The following POLA1 variants were observed in gnomAD, a reference collection of about 807,000 sequenced individuals.
POLA1 encodes the protein DNA polymerase alpha 1, catalytic subunit.
In POLA1, 15 loss-of-function variants were observed where a neutral mutation model predicts 124.0. The ratio of observed to expected loss-of-function variants is 0.12; its 90% CI spans 0.08 to 0.19. The LOEUF (loss-of-function observed/expected upper bound fraction) is 0.19. POLA1 is among the 10% of genes least tolerant of loss of function. The pLI, the probability that POLA1 is intolerant of heterozygous loss-of-function variation, is 1.00. For synonymous variants in POLA1, 408 were observed against 389.4 expected (o/e 1.05, Z -0.56); for missense variants, 886 against 1,103.4 (o/e 0.80, Z 2.79).
At chrX:24,775,584 GA>G (rs1409647596) in intron 26 of POLA1, among the ~76,000 whole-genome samples, 1 of 111,669 alleles carries the variant, frequency 9.0e-6, no homozygotes, top group East Asian at 2.8e-4. Flanking sequence ...TTCTGAGCCA[GA>G]GTGTTAATCC....
At chrX:24,848,792 C>T in intron 34 of POLA1, among the ~76,000 whole-genome samples, 1 of 112,218 alleles carries the variant, frequency 8.9e-6, no homozygotes, top group Non-Finnish European at 1.9e-5. Context: ...AGAGATGAAG[C>T]AGCCTCCCAC....
intron 36 of POLA1, among the ~76,000 whole-genome samples, chrX:24,990,216 A>G (rs1398779791): frequency 8.9e-6 from 1 of 112,349 alleles, no homozygotes; most frequent in Non-Finnish European, 1.9e-5. Flanking sequence ...TCCAATATCA[A>G]TGGATTCTAA....
intron 36 of POLA1, among the ~76,000 whole-genome samples, chrX:24,986,896 G>A (rs891309120): frequency 7.2e-5 from 8 of 111,251 alleles, no homozygotes; most frequent in Non-Finnish European, 1.5e-4. Flanking sequence ...ATTTCCACCA[G>A]TTATCCAGAG....
intron 6 of POLA1, 60 bp from the exon 7 acceptor site, chrX:24,716,302 A>G (rs1022383149): frequency 1.8e-5 from 11 of 603,806 alleles, no homozygotes; most frequent in Non-Finnish European, 2.9e-5. Flanking sequence ...GAAGAAGTAT[A>G]CTTTTTCTGT....
At chrX:24,743,364 A>C in intron 23 of POLA1, 35 bp downstream of exon 23, 1 of 717,611 alleles carries the variant, frequency 1.4e-6, no homozygotes, top group Non-Finnish European at 2.1e-6. Flanking sequence ...TTCTCCCAGT[A>C]TTAAGGAATT....
At position 24,789,123 on chromosome X, in the gene POLA1, A is replaced by G. The variant is rs1299478927; in HGVS notation, c.2965-20775A>G. 4.6e-6 allele frequency: 5 copies of G among 1,094,047 alleles called. No homozygotes were observed. The African/African-American group carries it at 5.5e-5, about 12-fold the overall frequency. 90.2% of individuals were successfully genotyped at this position (1,094,047 alleles called of 1,213,427 possible). A position where few individuals can be genotyped will look rare whatever the true frequency, so the allele number is the denominator to read the frequency against. On this transcript the variant is annotated intron_variant, in intron 26 of 36. Transcript: ENST00000379068. ...GCAGCAGAAAGAGCCCACTTTTACT[A>G]CTTCTGTTCTACATAGTAGTGGAAG...
At chrX:24,959,900 C>T (rs1213670562) in intron 36 of POLA1, among the ~76,000 whole-genome samples, 1 of 111,389 alleles carries the variant, frequency 9.0e-6, no homozygotes. Flanking sequence ...TCTACTGGGC[C>T]GCACTGTGTC....
At chrX:24,917,657 T>C (rs1382104008) in intron 35 of POLA1, among the ~76,000 whole-genome samples, 1 of 111,423 alleles carries the variant, frequency 9.0e-6, no homozygotes, top group Non-Finnish European at 1.9e-5. Flanking sequence ...AATTACTGCT[T>C]ATCTCTCATT....
chrX:24,818,969 T>C lies in POLA1; in HGVS notation c.3430-2483T>C, dbSNP rs182890745. 9.8e-5 allele frequency among the ~76,000 whole-genome samples: 11 copies of C among 112,294 alleles called. No individual in the cohort carries two copies. The East Asian group carries it at 2.2e-3, about 23-fold the overall frequency. On this transcript the variant is annotated intron_variant, in intron 30 of 36. Coordinates refer to ENST00000379068, the MANE Select transcript of POLA1 (RefSeq NM_001330360.2). ...AGGAGAAGTATTTTAGTATTTTTTT[T>C]CTGATAGTTGAATGTATTCTTCTTT...
chrX:24,988,100 A>G (rs933022182), intron 36 of POLA1, among the ~76,000 whole-genome samples: 1 of 112,640 alleles, frequency 8.9e-6, no homozygotes, highest in African/African-American at 3.2e-5. Context: ...CCCCAAAAGA[A>G]CAACAGCTTA....
intron 26 of POLA1, among the ~76,000 whole-genome samples, chrX:24,805,789 T>C (rs1269413602): frequency 9.0e-6 from 1 of 111,352 alleles, no homozygotes; most frequent in Non-Finnish European, 1.9e-5. Context: ...GCCTTATTAA[T>C]GAATTTAGCA....
In POLA1 at chrX:24,952,286, C is replaced by T. The variant is rs145952440; in HGVS notation, c.4261+21737C>T. On this transcript the variant is annotated intron_variant, in intron 36 of 36. Coordinates refer to ENST00000379068, the MANE Select transcript of POLA1 (RefSeq NM_001330360.2). The stretch of plus-strand genomic sequence containing the variant: ...TTTGCTGCCATCCTTTTGTATTTCT[C>T]AGTTAATAGTATTTTCTCTAGTGCC... 6.2e-3 allele frequency among the ~76,000 whole-genome samples: 699 copies of T among 112,124 alleles called. 1 individual carries two copies. Among genetic ancestry groups the T allele is most frequent in the African/African-American group, 0.021 (647 of 30,850 alleles).
At chrX:24,988,643 C>T (rs754976413) in intron 36 of POLA1, among the ~76,000 whole-genome samples, 2 of 111,992 alleles carry the variant, frequency 1.8e-5, no homozygotes, top group African/African-American at 3.2e-5. Context: ...TCTTTAGAAG[C>T]CTTATAAGTA....
intron 36 of POLA1, among the ~76,000 whole-genome samples, chrX:24,937,945 AAT>A (rs1360446936): frequency 8.9e-6 from 1 of 112,515 alleles, no homozygotes; most frequent in Non-Finnish European, 1.9e-5. Flanking sequence ...GGCCTTTTGA[AAT>A]ATGTTTTTAT....
intron 26 of POLA1, among the ~76,000 whole-genome samples, chrX:24,750,718 ATAAAG>A (rs1188276902): frequency 8.9e-6 from 1 of 112,404 alleles, no homozygotes; most frequent in Non-Finnish European, 1.9e-5. Flanking sequence ...ACTCAAGGAG[ATAAAG>A]TATAACAAGT....
chrX:24,941,171 C>T (rs774973529), intron 36 of POLA1, among the ~76,000 whole-genome samples: 18 of 111,547 alleles, frequency 1.6e-4, no homozygotes, highest in Admixed American at 2.9e-4. Context: ...CTGCCTCTCA[C>T]GTTTCCTCTT....
intron 36 of POLA1, among the ~76,000 whole-genome samples, chrX:24,946,290 C>T (rs1180668351): frequency 3.6e-5 from 4 of 111,505 alleles, no homozygotes; most frequent in African/African-American, 6.5e-5. Context: ...GTCCTCCAAG[C>T]GGTCTGGAAC....
At chrX:24,897,005 T>C (rs2047214370) in intron 35 of POLA1, among the ~76,000 whole-genome samples, 1 of 111,787 alleles carries the variant, frequency 8.9e-6, no homozygotes, top group Admixed American at 9.5e-5. Flanking sequence ...GCACTTCACT[T>C]TGCTGATGGG....
intron 19 of POLA1, 133 bp from the exon 20 acceptor site, chrX:24,739,241 TC>T: frequency 2.1e-6 from 1 of 473,408 alleles, no homozygotes; most frequent in Non-Finnish European, 3.7e-6. Flanking sequence ...TAGTAAATGT[TC>T]AAAAATATTT....
Sources: allele counts gnomAD v4.1 joint callset (sites outside exome capture counted in the v4.1 genomes callset), GRCh38; gene constraint gnomAD v4.1.1; transcripts MANE v1.5; gene names NCBI Gene and HGNC (gene_info 2026-07-23, HGNC 2026-07-21).